The following STK10 variants were observed in gnomAD, a reference collection of about 807,000 sequenced individuals.
STK10 encodes the protein serine/threonine-protein kinase 10.
In STK10, 78 loss-of-function variants were observed where a neutral mutation model predicts 113.8. That is an observed-to-expected ratio of 0.69 (90% CI 0.57 to 0.83). STK10 has a LOEUF of 0.83. STK10 is among the 40% of genes least tolerant of loss of function. The probability of loss-of-function intolerance (pLI) is 0.00; values close to 1 mark genes in which losing one functional copy is unlikely to be tolerated. For missense variants in STK10, 1,109 were observed against 1,280.1 expected, an observed-to-expected ratio of 0.87 and a Z score of 2.04; for synonymous variants, 465 against 494.7, an observed-to-expected ratio of 0.94 and a Z score of 0.80.
rs763900862 is a variant in STK10, at chr5:172,082,360, C to G, written c.1955G>C (p.Arg652Thr). The change falls in exon 12 of 19, where the codon AGG (arginine) becomes ACG (threonine). Residue 652 changes from arginine to threonine, a missense_variant. By Grantham distance (71) the Arg-to-Thr change is moderately conservative (BLOSUM62 -1). This residue lies in a region of STK10 where 885 missense variants were observed against 991.1 expected (regional missense o/e 0.89). Transcript: ENST00000176763. This position sits in a 1 kb window ranked among gnomAD's most constrained non-coding sequence, Gnocchi z 4.3. ...IRLEQDRDYT[R>T]FQEQLKLMKK... is the part of the protein sequence containing the mutation. ...CATCAGTTTGAGCTGCTCTTGGAAC[C>G]TGGTGTAGTCCCGATCCTGCTCCAG... 9.4e-6 allele frequency: 15 copies of G among 1,588,822 alleles called. No homozygotes were observed. Among genetic ancestry groups the G allele is most frequent in the Middle Eastern group, 1.7e-4 (1 of 5,946 alleles).
chr5:172,093,881 G>A lies in STK10; in HGVS notation c.1085C>T (p.Pro362Leu), dbSNP rs780740731. 4 of 1,565,906 alleles carry A rather than the reference G, an allele frequency of 2.6e-6. No individual in the cohort carries two copies. The highest frequency in any genetic ancestry group is 2.3e-5 in the East Asian group (1 of 44,254). Residue 362 changes from proline to leucine, a missense_variant, in exon 9 of 19, where the codon CCT (proline) becomes CTT (leucine). By Grantham distance (98) the Pro-to-Leu change is moderately conservative. Around this residue, in one of 5 missense-constraint regions of STK10, gnomAD observed 885 missense variants for 991.1 expected, o/e 0.89. Transcript: ENST00000176763. This position sits in a 1 kb window ranked among gnomAD's most constrained non-coding sequence, Gnocchi z 4.1. ...CTGGCTGGGTGCCAGCGGGGTGGAA[G>A]GTGACTCCTCGAGAGGCTTGTCAGC... Reference protein sequence around the residue: ...LNADKPLEESPSTPLAPSQSQ... With the variant: ...LNADKPLEESLSTPLAPSQSQ...
At chr5:172,098,066 C>G (rs1258836586) in intron 7 of STK10, among the ~76,000 whole-genome samples, 1 of 152,102 alleles carries the variant, frequency 6.6e-6, no homozygotes. Flanking sequence ...CAGGAAGGCT[C>G]TGATGAAATT....
rs1767407358 is a variant in STK10, at chr5:172,042,835, T to C, written c.*2047A>G. 6.6e-6 allele frequency: 1 copy of C among 152,240 alleles called. No individual in the cohort carries two copies. Among genetic ancestry groups the C allele is most frequent in the Non-Finnish European group, 1.5e-5 (1 of 68,044 alleles). The allele number at this position is 152,240 out of a possible 1,614,324, so 9.4% of individuals were successfully genotyped here. ...GCTAGCTCCAAGAGAATCTTGACTG[T>C]GCATTTAAGATTTGGGCAGTCCCCT... On this transcript the variant is annotated 3_prime_UTR_variant, in exon 19 of 19. Transcript: ENST00000176763.
rs1767708371 is a variant in STK10 at position 172,054,713 on chromosome 5, G to A, written c.2527-19C>T. On this transcript the variant is annotated intron_variant, in intron 16 of 18. Transcript: ENST00000176763. ...GGGAGAACTGCACCAGAGAGAGGGT[G>A]GGTGCCTCAGGGGACCAGGGCCTGG... is the stretch of plus-strand genomic sequence containing the variant. 9 of 1,606,296 alleles carry A rather than the reference G, an allele frequency of 5.6e-6. No individual in the cohort carries two copies. The highest frequency in any genetic ancestry group is 1.1e-5 in the South Asian group (1 of 91,076).
intron 2 of STK10, 111 bp from the exon 3 acceptor site, chr5:172,127,532 C>G: frequency 1.8e-6 from 2 of 1,135,734 alleles, no homozygotes; most frequent in Non-Finnish European, 2.5e-6. Context: ...CCTGGGTGCC[C>G]CTGCTCTCCA....
intron 12 of STK10, among the ~76,000 whole-genome samples, chr5:172,080,880 T>C (rs527856841): frequency 1.1e-4 from 16 of 152,368 alleles, no homozygotes; most frequent in Admixed American, 4.6e-4. Context: ...TCAATGTAGA[T>C]GAAACAGCTT....
intron 2 of STK10, among the ~76,000 whole-genome samples, chr5:172,131,780 T>A (rs1769761735): frequency 6.6e-6 from 1 of 152,152 alleles, no homozygotes; most frequent in Non-Finnish European, 1.5e-5. Context: ...CAGTAACAGA[T>A]AAAATAATAG....
At chr5:172,096,369 G>A in intron 8 of STK10, 57 bp downstream of exon 8, 1 of 1,595,902 alleles carries the variant, frequency 6.3e-7, no homozygotes, top group Non-Finnish European at 8.5e-7. Context: ...CACCAGCAGG[G>A]CCAGCTGAGA....
chr5:172,108,015 A>G lies in STK10; in HGVS notation c.521-163T>C, dbSNP rs1310383242. Reference sequence around the variant, plus strand: ...TGTAAGACTATCTGCTGCTGAGAGGAAGTACCGAGATGAACACTTTCCTCT... The same window carrying G: ...TGTAAGACTATCTGCTGCTGAGAGGGAGTACCGAGATGAACACTTTCCTCT... On this transcript the variant is annotated intron_variant, in intron 4 of 18. Coordinates refer to ENST00000176763, the MANE Select transcript of STK10 (RefSeq NM_005990.4). The G allele has an allele frequency of 6.6e-6, 4 of 603,796 alleles. No individual in the cohort carries two copies. In the Admixed American group the frequency reaches 8.9e-5, roughly 13 times the overall value. The allele number at this position is 603,796 out of a possible 1,614,324, so 37.4% of individuals were successfully genotyped here.
intron 2 of STK10, among the ~76,000 whole-genome samples, chr5:172,132,579 G>C (rs1769778081): frequency 6.6e-6 from 1 of 152,158 alleles, no homozygotes; most frequent in African/African-American, 2.4e-5. Flanking sequence ...AACCGCCCCA[G>C]TGCTAAAAGG....
At chr5:172,154,327 G>C (rs1770301523) in intron 2 of STK10, among the ~76,000 whole-genome samples, 1 of 152,172 alleles carries the variant, frequency 6.6e-6, no homozygotes, top group Non-Finnish European at 1.5e-5. Context: ...GGCATGCAGG[G>C]CCTTCTACAA....
chr5:172,106,631 C>T lies in STK10; in HGVS notation c.777G>A (p.Thr259=), dbSNP rs1310164542. The change falls in exon 6 of 19, where the codon ACG becomes ACA. Residue 259 remains threonine, a synonymous_variant. Coordinates refer to ENST00000176763, the MANE Select transcript of STK10 (RefSeq NM_005990.4). ...CCCCTGCCCCTCACCACTTAGAGGG[C>T]GTGAGCAGCGTGGGAGGGTCCGACT... ...IAKSDPPTLL[T]PSKWSVEFRD... 1 of 1,612,202 alleles carries T rather than the reference C, an allele frequency of 6.2e-7. No individual in the cohort carries two copies.
intron 1 of STK10, among the ~76,000 whole-genome samples, chr5:172,166,043 T>C (rs930092115): frequency 1.3e-5 from 2 of 152,236 alleles, no homozygotes; most frequent in African/African-American, 4.8e-5. Context: ...TCCGCCCACC[T>C]TGGCCTCCCA....
chr5:172,094,276 C>G (rs1048942510), intron 8 of STK10, among the ~76,000 whole-genome samples: 3 of 152,200 alleles, frequency 2.0e-5, no homozygotes, highest in African/African-American at 7.2e-5. Context: ...AGTGGCCGCT[C>G]CATTCCAGCC....
At chr5:172,157,843 G>A (rs1355790605) in intron 1 of STK10, among the ~76,000 whole-genome samples, 2 of 150,442 alleles carry the variant, frequency 1.3e-5, no homozygotes, top group Admixed American at 6.6e-5. Flanking sequence ...CGCCCATCTC[G>A]GCCTCCCAAA....
chr5:172,183,448 AAACTT>A (rs1018912599), intron 1 of STK10, among the ~76,000 whole-genome samples: 8 of 149,044 alleles, frequency 5.4e-5, no homozygotes, highest in Non-Finnish European at 1.0e-4. Flanking sequence ...TATAGCTTGT[AAACTT>A]TACTTTTTTT....
intron 4 of STK10, among the ~76,000 whole-genome samples, chr5:172,108,773 T>C (rs73323508): frequency 0.028 from 4,260 of 151,688 alleles, 200 homozygotes; most frequent in African/African-American, 0.098. Flanking sequence ...CGGTATTTAT[T>C]ACTATTTATT....
intron 1 of STK10, among the ~76,000 whole-genome samples, chr5:172,164,997 A>G (rs1443126238): frequency 1.3e-5 from 2 of 152,082 alleles, no homozygotes; most frequent in Non-Finnish European, 2.9e-5. Flanking sequence ...TGTGGGAACA[A>G]TCCTCCCCCT....
At chr5:172,172,287 C>A (rs888966718) in intron 1 of STK10, among the ~76,000 whole-genome samples, 1 of 152,228 alleles carries the variant, frequency 6.6e-6, no homozygotes, top group Non-Finnish European at 1.5e-5. Flanking sequence ...CACTGAGTGA[C>A]GGGACCCTCC....
Sources: gnomAD v4.1 joint callset for allele counts (sites outside exome capture counted in the v4.1 genomes callset) on GRCh38, gnomAD v4.1.1 for gene constraint, gnomAD v4.1.1 regional missense constraint, Gnocchi (gnomAD v3.1) non-coding constraint, MANE v1.5 for transcripts, NCBI Gene and HGNC (gene_info 2026-07-23, HGNC 2026-07-21) for gene names.